The following ZFHX3 variants were observed in gnomAD, a reference collection of about 807,000 sequenced individuals.
ZFHX3 encodes the protein zinc finger homeobox 3, also known as zinc finger homeobox protein 3.
Under a neutral mutation model 279.1 loss-of-function variants are expected in ZFHX3, and 42 were observed. The ratio of observed to expected loss-of-function variants is 0.15; its 90% CI spans 0.12 to 0.19. The LOEUF is 0.19. Among genes scored for constraint, ZFHX3 ranks in the 10% least tolerant of loss-of-function variants. The probability of loss-of-function intolerance (pLI) is 1.00; values close to 1 mark genes in which losing one functional copy is unlikely to be tolerated. For missense variants in ZFHX3, 4,981 were observed against 4,754.0 expected, an observed-to-expected ratio of 1.05 and a Z score of -1.40; for synonymous variants, 2,293 against 1,957.8, an observed-to-expected ratio of 1.17 and a Z score of -4.52.
intron 5 of ZFHX3, among the ~76,000 whole-genome samples, chr16:73,168,499 T>A (rs1001332309): frequency 6.6e-6 from 1 of 152,196 alleles, no homozygotes; most frequent in South Asian, 2.1e-4. Flanking sequence ...CAAGCAGGTC[T>A]CCTACCCCAG....
At chr16:73,611,988 C>T (rs1039911713) in intron 2 of ZFHX3, among the ~76,000 whole-genome samples, 5 of 152,114 alleles carry the variant, frequency 3.3e-5, no homozygotes, top group Non-Finnish European at 7.3e-5. Context: ...TAAAATAATT[C>T]TGTTAATAAT....
rs1258931663 is a variant in ZFHX3 at position 73,735,925 on chromosome 16, G to A, written c.-1607-55685C>T. On this transcript the variant is annotated intron_variant, in intron 1 of 17. Transcript: ENST00000641206. ...TTTTTTTTTTTTTTTTTAATGCTCT[G>A]AAGGTTGGTGCACCTGGTTGAGCAA... Among the ~76,000 whole-genome samples, 5 of 30,444 alleles carry A rather than the reference G, an allele frequency of 1.6e-4. No homozygotes were observed. The East Asian group carries it at 4.9e-3, about 30-fold the overall frequency. 20.0% of individuals were successfully genotyped at this position (30,444 alleles called of 152,430 possible). A position where few individuals can be genotyped will look rare whatever the true frequency, so the allele number is the denominator to read the frequency against.
At chr16:73,683,471 T>C (rs2053047798) in intron 1 of ZFHX3, among the ~76,000 whole-genome samples, 1 of 152,200 alleles carries the variant, frequency 6.6e-6, no homozygotes, top group African/African-American at 2.4e-5. Flanking sequence ...TCAAATCCCC[T>C]GGATAATTTT....
chr16:73,125,832 A>G (rs1340908739), intron 7 of ZFHX3, among the ~76,000 whole-genome samples: 1 of 152,098 alleles, frequency 6.6e-6, no homozygotes. Flanking sequence ...ATATACACAC[A>G]CACACATATC....
At chr16:72,945,476 G>A (rs1299915225) in intron 3 of ZFHX3, among the ~76,000 whole-genome samples, 4 of 152,220 alleles carry the variant, frequency 2.6e-5, no homozygotes, top group South Asian at 4.1e-4. Context: ...ATCAAGCCAC[G>A]GAAATGAACC....
intron 5 of ZFHX3, among the ~76,000 whole-genome samples, chr16:73,239,005 T>C (rs1450722082): frequency 6.6e-6 from 1 of 152,126 alleles, no homozygotes; most frequent in African/African-American, 2.4e-5. Flanking sequence ...GACTCCACTT[T>C]CACAATGACC....
At chr16:73,637,759 GA>G (rs1391015982) in intron 2 of ZFHX3, among the ~76,000 whole-genome samples, 6 of 151,224 alleles carry the variant, frequency 4.0e-5, no homozygotes, top group South Asian at 2.1e-4. Context: ...TGAACAAATT[GA>G]AAAAAAAGTT....
Position 73,089,580 on chromosome 16 carries a change from C to T in ZFHX3, c.-533+3655G>A, listed in dbSNP as rs150005341. Among the ~76,000 whole-genome samples the T allele has an allele frequency of 2.6e-5, 4 of 152,276 alleles. No homozygotes were observed. The East Asian group carries it at 7.7e-4, about 29-fold the overall frequency. On this transcript the variant is annotated intron_variant, in intron 8 of 17. Coordinates refer to the ZFHX3 transcript ENST00000641206. ...TGTGATTAAGTGATGGATGCAGTGA[C>T]CACACTATCCATTGACCCTGCACTG...
intron 9 of ZFHX3, among the ~76,000 whole-genome samples, chr16:72,792,794 G>T (rs1351455471): frequency 2.0e-5 from 3 of 152,128 alleles, no homozygotes; most frequent in African/African-American, 4.8e-5. Flanking sequence ...AAGAAGGCAG[G>T]GACCCCAGGT....
intron 1 of ZFHX3, among the ~76,000 whole-genome samples, chr16:73,883,820 T>C (rs191755845): frequency 6.6e-6 from 1 of 152,112 alleles, no homozygotes; most frequent in East Asian, 1.9e-4. Flanking sequence ...AAGTCAAGGG[T>C]GCCTCTTACT....
intron 1 of ZFHX3, among the ~76,000 whole-genome samples, chr16:73,759,009 G>T (rs543149999): frequency 1.3e-5 from 2 of 152,188 alleles, no homozygotes; most frequent in African/African-American, 4.8e-5. Context: ...TGATACCAAA[G>T]CCTCACTGTT....
chr16:73,396,283 A>G (rs1003217065), intron 3 of ZFHX3, among the ~76,000 whole-genome samples: 3 of 152,234 alleles, frequency 2.0e-5, no homozygotes, highest in East Asian at 1.9e-4. Flanking sequence ...CTTATTTATG[A>G]ATATCTTGCA....
At chr16:73,168,782 T>C (rs1967453582) in intron 5 of ZFHX3, among the ~76,000 whole-genome samples, 1 of 152,160 alleles carries the variant, frequency 6.6e-6, no homozygotes, top group Non-Finnish European at 1.5e-5. Context: ...TCCAGCTAGC[T>C]GCCCTCTGGG....
chr16:73,320,890 G>C (rs1381299880), intron 3 of ZFHX3, among the ~76,000 whole-genome samples: 5 of 152,212 alleles, frequency 3.3e-5, no homozygotes, highest in Non-Finnish European at 5.9e-5. Flanking sequence ...ACACATGGCA[G>C]AAGATGAGCT....
intron 4 of ZFHX3, among the ~76,000 whole-genome samples, chr16:72,857,263 C>G (rs1597316266): frequency 6.6e-6 from 1 of 152,220 alleles, no homozygotes; most frequent in Non-Finnish European, 1.5e-5. Context: ...ATGCTGTATT[C>G]TGTATAATAC....
intron 3 of ZFHX3, among the ~76,000 whole-genome samples, chr16:73,455,649 T>G (rs919923790): frequency 1.4e-4 from 22 of 152,202 alleles, no homozygotes; most frequent in Non-Finnish European, 2.5e-4. Flanking sequence ...ACTATGAGCA[T>G]TGTAAATCAG....
chr16:73,557,316 A>G (rs1417824870), intron 2 of ZFHX3, among the ~76,000 whole-genome samples: 2 of 152,154 alleles, frequency 1.3e-5, no homozygotes, highest in African/African-American at 4.8e-5. Context: ...GTACTGTACT[A>G]TTAGACCCTT....
At chr16:72,882,613 G>A (rs2038510032) in intron 4 of ZFHX3, among the ~76,000 whole-genome samples, 1 of 152,178 alleles carries the variant, frequency 6.6e-6, no homozygotes. Context: ...CCATCCTGGT[G>A]ATGCCACACC....
At chr16:73,558,046 G>A (rs191543100) in intron 2 of ZFHX3, among the ~76,000 whole-genome samples, 47 of 152,202 alleles carry the variant, frequency 3.1e-4, no homozygotes, top group Non-Finnish European at 4.3e-4. Context: ...TCCCTCCTTC[G>A]GAAATCTAGC....
Sources: allele counts gnomAD v4.1 joint callset (sites outside exome capture counted in the v4.1 genomes callset), GRCh38; gene constraint gnomAD v4.1.1; transcripts MANE v1.5; gene names NCBI Gene and HGNC (gene_info 2026-07-23, HGNC 2026-07-21).